The following FOXN3 variants were observed in gnomAD, a reference collection of about 807,000 sequenced individuals.
FOXN3 encodes the protein forkhead box protein N3.
A neutral mutation model predicts 38.4 loss-of-function variants in FOXN3; 7 were observed. The ratio of observed to expected loss-of-function variants is 0.18; its 90% CI spans 0.10 to 0.34. The LOEUF (loss-of-function observed/expected upper bound fraction) is 0.34, where lower values mean the gene tolerates loss of function less well. Among genes scored for constraint, FOXN3 ranks in the 10% least tolerant of loss-of-function variants. FOXN3 has a pLI of 1.00. For synonymous variants in FOXN3, 230 were observed against 242.2 expected (o/e 0.95, Z 0.47); for missense variants, 456 against 613.4 (o/e 0.74, Z 2.71).
At chr14:89,252,397 G>A (rs1885484846) in intron 4 of FOXN3, among the ~76,000 whole-genome samples, 1 of 152,140 alleles carries the variant, frequency 6.6e-6, no homozygotes, top group African/African-American at 2.4e-5. Context: ...GCTCACACCT[G>A]TAATCCCAGC....
intron 1 of FOXN3, among the ~76,000 whole-genome samples, chr14:89,424,262 T>G (rs1404914647): frequency 6.6e-6 from 1 of 152,334 alleles, no homozygotes; most frequent in South Asian, 2.1e-4. Context: ...TCTCAGAGAC[T>G]GTACGTGTGA....
At chr14:89,404,238 G>A (rs370264683) in intron 2 of FOXN3, among the ~76,000 whole-genome samples, 7 of 151,774 alleles carry the variant, frequency 4.6e-5, no homozygotes, top group South Asian at 4.2e-4. Context: ...GGCTGCGCAC[G>A]GTGGCTCACG....
intron 4 of FOXN3, among the ~76,000 whole-genome samples, chr14:89,221,742 C>T (rs151279137): frequency 6.6e-6 from 1 of 152,116 alleles, no homozygotes; most frequent in African/African-American, 2.4e-5. Context: ...AGAAGCATCA[C>T]CTCTTAAAAT....
intron 4 of FOXN3, among the ~76,000 whole-genome samples, chr14:89,196,269 A>C (rs1888097154): frequency 1.3e-5 from 2 of 152,214 alleles, no homozygotes; most frequent in Non-Finnish European, 2.9e-5. Context: ...TATTTGGGTG[A>C]AGAAAAATAT....
chr14:89,508,131 T>C (rs1893985722), intron 1 of FOXN3, among the ~76,000 whole-genome samples: 2 of 152,192 alleles, frequency 1.3e-5, no homozygotes, highest in African/African-American at 2.4e-5. Flanking sequence ...TCTGTGCTTG[T>C]CATGAAAACA....
intron 1 of FOXN3, among the ~76,000 whole-genome samples, chr14:89,439,657 C>CTT (rs35535565): frequency 0.067 from 9,072 of 136,156 alleles, 569 homozygotes; most frequent in African/African-American, 0.16. Context: ...TCTTTTATTC[C>CTT]TTTTTTTTTT....
chr14:89,261,644 A>AGGG (rs1885805307), intron 4 of FOXN3, among the ~76,000 whole-genome samples: 4 of 151,882 alleles, frequency 2.6e-5, no homozygotes, highest in African/African-American at 9.7e-5. Flanking sequence ...AAATACAAAA[A>AGGG]TTAGGCCAGG....
At chr14:89,513,602 T>C (rs987373889) in intron 1 of FOXN3, among the ~76,000 whole-genome samples, 1 of 151,996 alleles carries the variant, frequency 6.6e-6, no homozygotes, top group African/African-American at 2.4e-5. Flanking sequence ...TTTTTATTTA[T>C]TTATTTTTTG....
At chr14:89,465,552 G>A (rs1015573814) in intron 1 of FOXN3, among the ~76,000 whole-genome samples, 3 of 152,144 alleles carry the variant, frequency 2.0e-5, no homozygotes, top group South Asian at 4.1e-4. Flanking sequence ...GCATGAGAAC[G>A]GACTAATACA....
chr14:89,515,644 G>A (rs1894184915), intron 1 of FOXN3, among the ~76,000 whole-genome samples: 2 of 152,164 alleles, frequency 1.3e-5, no homozygotes, highest in African/African-American at 4.8e-5. Context: ...GCTGAGGCAG[G>A]AGAATCACTT....
chr14:89,207,896 C>T (rs11159891), intron 4 of FOXN3, among the ~76,000 whole-genome samples: 58,322 of 151,780 alleles, frequency 0.38, 11,376 homozygotes, highest in Non-Finnish European at 0.4. Flanking sequence ...CTTGACCTTC[C>T]ACTATAATCA....
intron 3 of FOXN3, chr14:89,290,740 G>A (rs755006755): frequency 9.1e-6 from 3 of 327,998 alleles, no homozygotes; most frequent in Non-Finnish European, 1.8e-5. Flanking sequence ...CCGTGAGCCT[G>A]CAGGCTGGGA....
At chr14:89,587,568 A>G (rs1895865645) in intron 1 of FOXN3, among the ~76,000 whole-genome samples, 1 of 152,122 alleles carries the variant, frequency 6.6e-6, no homozygotes, top group African/African-American at 2.4e-5. Flanking sequence ...ATCTCCGGGG[A>G]AAAAAGCTCA....
chr14:89,173,856 C>T (rs1276833496), intron 5 of FOXN3, among the ~76,000 whole-genome samples: 1 of 151,942 alleles, frequency 6.6e-6, no homozygotes, highest in Admixed American at 6.6e-5. Context: ...CCAGGAGTGG[C>T]GGTGAGTGCC....
intron 4 of FOXN3, among the ~76,000 whole-genome samples, chr14:89,259,574 T>C (rs1885733767): frequency 6.6e-6 from 1 of 152,204 alleles, no homozygotes; most frequent in Non-Finnish European, 1.5e-5. Context: ...TAAAATAAGA[T>C]AAAAAATAAA....
chr14:89,336,724 G>C (rs549575050), intron 3 of FOXN3, among the ~76,000 whole-genome samples: 1 of 152,306 alleles, frequency 6.6e-6, no homozygotes, highest in South Asian at 2.1e-4. Flanking sequence ...GTCCAAAGCA[G>C]ATGGAATAAA....
chr14:89,180,568 G>C, intron 5 of FOXN3, 133 bp downstream of exon 5: 3 of 554,226 alleles, frequency 5.4e-6, no homozygotes, highest in South Asian at 7.2e-5. Flanking sequence ...TCACATTTCT[G>C]AGCACGCAAA....
chr14:89,492,409 C>T (rs554708681), intron 1 of FOXN3, among the ~76,000 whole-genome samples: 28 of 150,850 alleles, frequency 1.9e-4, no homozygotes, highest in Middle Eastern at 3.4e-3. Flanking sequence ...CAGAGCAGCT[C>T]GTCCTCTGAG....
chr14:89,236,675 A>G (rs901340463), intron 4 of FOXN3, among the ~76,000 whole-genome samples: 8 of 152,244 alleles, frequency 5.3e-5, no homozygotes, highest in African/African-American at 1.9e-4. Context: ...CATGCTGATT[A>G]GAAGCTGAGC....
Sources: gnomAD v4.1 joint callset for allele counts (sites outside exome capture counted in the v4.1 genomes callset) on GRCh38, gnomAD v4.1.1 for gene constraint, MANE v1.5 for transcripts, NCBI Gene and HGNC (gene_info 2026-07-23, HGNC 2026-07-21) for gene names.